Variants in NFX1 observed in about 807,000 individuals in gnomAD.
The protein encoded by NFX1 is transcriptional repressor NF-X1.
Under a neutral mutation model 137.2 loss-of-function variants are expected in NFX1, and 69 were observed. That is an observed-to-expected ratio of 0.50 (90% confidence interval 0.41 to 0.61). The LOEUF (loss-of-function observed/expected upper bound fraction) is 0.61. Ranked by LOEUF, NFX1 falls within the 20% of genes least tolerant of loss-of-function variation. The pLI is 0.00. For synonymous variants in NFX1, 495 were observed against 474.1 expected (o/e 1.04, Z -0.57); for missense variants, 1,167 against 1,391.0 (o/e 0.84, Z 2.56).
intron 9 of NFX1, among the ~76,000 whole-genome samples, chr9:33,320,348 A>T (rs1322050449): frequency 6.6e-6 from 1 of 152,206 alleles, no homozygotes; most frequent in Non-Finnish European, 1.5e-5. Flanking sequence ...ATTGACCCAG[A>T]GTCATCATTT....
chr9:33,342,571 T>C (rs1823267439), intron 12 of NFX1, among the ~76,000 whole-genome samples, 175 bp from the exon 13 acceptor site: 1 of 152,238 alleles, frequency 6.6e-6, no homozygotes, highest in Non-Finnish European at 1.5e-5. Flanking sequence ...TCATGACGAA[T>C]TTTGTTTTAT....
At chr9:33,367,775 C>T (rs908744309) in intron 23 of NFX1, among the ~76,000 whole-genome samples, 156 bp downstream of exon 23, 14 of 152,206 alleles carry the variant, frequency 9.2e-5, no homozygotes, top group Non-Finnish European at 1.9e-4. Flanking sequence ...GGGTATCAGA[C>T]ACGTTTGTTC....
At chr9:33,323,568 C>G (rs899934224) in intron 9 of NFX1, among the ~76,000 whole-genome samples, 1 of 151,824 alleles carries the variant, frequency 6.6e-6, no homozygotes. Flanking sequence ...GCCTGGCCGA[C>G]ATGGTGAAAC....
chr9:33,362,893 G>A (rs1407567915), intron 19 of NFX1, among the ~76,000 whole-genome samples: 2 of 151,742 alleles, frequency 1.3e-5, no homozygotes, highest in African/African-American at 4.8e-5. Context: ...TAGTAGAGAC[G>A]AGGTTTCTCC....
At chr9:33,344,278 A>G (rs1823331817) in intron 14 of NFX1, 90 bp downstream of exon 14, 17 of 1,546,686 alleles carry the variant, frequency 1.1e-5, no homozygotes, top group Non-Finnish European at 1.3e-5. Context: ...CTCTAGAGTC[A>G]TGCTGTGATG....
intron 20 of NFX1, 59 bp from the exon 21 acceptor site, chr9:33,364,649 G>A (rs1266290713): frequency 6.4e-7 from 1 of 1,572,422 alleles, no homozygotes; most frequent in Non-Finnish European, 8.6e-7. Context: ...GAGGATGGGT[G>A]AAAGGGGTTC....
rs752376581 is a variant in NFX1 at position 33,294,618 on chromosome 9, C to T, written c.224C>T (p.Pro75Leu). 2.7e-5 allele frequency: 43 copies of T among 1,614,038 alleles called. No individual in the cohort carries two copies. Among genetic ancestry groups the T allele is most frequent in the South Asian group, 3.3e-5 (3 of 91,078 alleles). ...ISAVHQHSYH[P>L]SGSKPKSQQT... Reference sequence around the variant, plus strand: ...GCTGTTCATCAGCATAGTTATCATCCGTCAGGAAGCAAACCTAAGAGTCAG... The same window carrying T: ...GCTGTTCATCAGCATAGTTATCATCTGTCAGGAAGCAAACCTAAGAGTCAG... Residue 75 changes from proline (P) to leucine (L), a missense_variant, in exon 2 of 24, where the codon CCG (proline) becomes CTG (leucine). Pro to Leu is a moderately conservative substitution (Grantham distance 98). This residue lies in a region of NFX1 where 367 missense variants were observed against 386.7 expected (regional missense o/e 0.95). Coordinates refer to ENST00000379540, the MANE Select transcript of NFX1 (RefSeq NM_002504.6).
At chr9:33,360,517 A>T (rs933915125) in intron 19 of NFX1, among the ~76,000 whole-genome samples, 3 of 152,246 alleles carry the variant, frequency 2.0e-5, no homozygotes, top group African/African-American at 7.2e-5. Flanking sequence ...TGGTGATGAC[A>T]TAATGACCCT....
chr9:33,352,475 T>A, intron 16 of NFX1, 171 bp from the exon 17 acceptor site: 1 of 700,210 alleles, frequency 1.4e-6, no homozygotes, highest in East Asian at 2.7e-5. Context: ...TCCTAGCATG[T>A]CAACAACTGT....
Position 33,300,065 on chromosome 9 carries a change from ATTTTTTT to A in NFX1, c.1034-1178_1034-1172del, listed in dbSNP as rs34826491. The stretch of plus-strand genomic sequence containing the variant: ...TGTAAAATGGTACCTATGTTATAGC[ATTTTTTT>A]TTTTTTTTTTTTTTTTTTTGAGACG... On this transcript the variant is annotated intron_variant, in intron 2 of 23. Coordinates refer to ENST00000379540, the MANE Select transcript of NFX1 (RefSeq NM_002504.6). Among the ~76,000 whole-genome samples, 8 of 100,264 alleles carry A rather than the reference ATTTTTTT, an allele frequency of 8.0e-5. No individual in the cohort carries two copies. In the South Asian group the frequency reaches 1.9e-3, roughly 24 times the overall value. 65.8% of individuals were successfully genotyped at this position (100,264 alleles called of 152,430 possible).
chr9:33,315,387 C>G (rs886824504), intron 7 of NFX1, among the ~76,000 whole-genome samples: 2 of 152,170 alleles, frequency 1.3e-5, no homozygotes, highest in South Asian at 2.1e-4. Context: ...TGATACAACT[C>G]TAATCGTCCC....
rs7027207 is a variant in NFX1, at chr9:33,354,238, T to G, written c.2831+51T>G. ...CCTTCTTTCTTCAATTAGACTTCAATTAGAGGGCAGAGATTATTCATTTAT... is the reference window on the plus strand; with the variant it reads ...CCTTCTTTCTTCAATTAGACTTCAAGTAGAGGGCAGAGATTATTCATTTAT... On this transcript the variant is annotated intron_variant, in intron 18 of 23. Coordinates refer to ENST00000379540, the MANE Select transcript of NFX1 (RefSeq NM_002504.6). 5,840 of 1,385,624 alleles carry G rather than the reference T, an allele frequency of 4.2e-3. 213 individuals are homozygous for G. In the African/African-American group the frequency reaches 0.075, roughly 18 times the overall value. 85.8% of individuals were successfully genotyped at this position (1,385,624 alleles called of 1,614,324 possible).
At chr9:33,356,649 A>C (rs541489918) in intron 19 of NFX1, among the ~76,000 whole-genome samples, 1 of 152,270 alleles carries the variant, frequency 6.6e-6, no homozygotes, top group South Asian at 2.1e-4. Context: ...TTAAATCTAC[A>C]GTTGACCTGT....
At chr9:33,313,966 A>G (rs1047713972) in intron 7 of NFX1, among the ~76,000 whole-genome samples, 173 bp downstream of exon 7, 2 of 152,136 alleles carry the variant, frequency 1.3e-5, no homozygotes, top group Admixed American at 6.6e-5. Context: ...GCATACCAGT[A>G]TAGGTCATTG....
intron 21 of NFX1, chr9:33,365,144 G>T: frequency 4.0e-6 from 1 of 249,368 alleles, no homozygotes; most frequent in Non-Finnish European, 6.7e-6. Context: ...TGTGGTGGCG[G>T]GCACCTGTTA....
At chr9:33,360,101 C>T (rs951481013) in intron 19 of NFX1, among the ~76,000 whole-genome samples, 2 of 152,302 alleles carry the variant, frequency 1.3e-5, no homozygotes, top group Middle Eastern at 3.4e-3. Flanking sequence ...TTCTCAGCTG[C>T]AGAATGTAAA....
intron 23 of NFX1, 95 bp downstream of exon 23, chr9:33,367,714 T>G: frequency 8.5e-7 from 1 of 1,176,662 alleles, no homozygotes; most frequent in South Asian, 1.3e-5. Flanking sequence ...ATTGGTGGCC[T>G]CCTCAGGCCT....
At chr9:33,324,207 C>T (rs923505370) in intron 9 of NFX1, among the ~76,000 whole-genome samples, 15 of 152,052 alleles carry the variant, frequency 9.9e-5, no homozygotes, top group Admixed American at 7.9e-4. Flanking sequence ...GGTGAAATCT[C>T]GTCTCTACTA....
intron 2 of NFX1, among the ~76,000 whole-genome samples, chr9:33,296,282 A>T (rs1821352586): frequency 6.6e-6 from 1 of 152,148 alleles, no homozygotes; most frequent in Non-Finnish European, 1.5e-5. Context: ...CTTCTGCCTT[A>T]CTCAACAGTC....
Sources: allele counts gnomAD v4.1 joint callset (sites outside exome capture counted in the v4.1 genomes callset), GRCh38; gene constraint gnomAD v4.1.1; regional missense constraint gnomAD v4.1.1; transcripts MANE v1.5; gene names NCBI Gene and HGNC (gene_info 2026-07-23, HGNC 2026-07-21).